NMT2: variants seen among roughly 807,000 people sequenced by gnomAD.
NMT2 encodes N-myristoyltransferase 2, also known as glycylpeptide N-tetradecanoyltransferase 2.
NMT2 carries 35 observed loss-of-function variants against 65.4 expected under a neutral mutation model. The observed-to-expected ratio is 0.54, with a 90% CI of 0.41 to 0.71. NMT2 has a LOEUF of 0.71. Among genes scored for constraint, NMT2 ranks in the 30% least tolerant of loss-of-function variants. The pLI is 0.00. For missense variants in NMT2, 489 were observed against 611.3 expected (o/e 0.80, Z 2.11); for synonymous variants, 226 against 231.8 (o/e 0.98, Z 0.23).
chr10:15,128,553 G>T, intron 7 of NMT2, 95 bp from the exon 8 acceptor site: 1 of 748,362 alleles, frequency 1.3e-6, no homozygotes. Flanking sequence ...AGCATTTACT[G>T]AATACTTACG....
rs117043131 is a variant in NMT2 at position 15,126,460 on chromosome 10, G to A, written c.999+1890C>T. Among the ~76,000 whole-genome samples, 484 of 151,386 alleles carry A rather than the reference G, an allele frequency of 3.2e-3. 5 individuals are homozygous for A. The East Asian group carries it at 0.057, about 18-fold the overall frequency. ...AAAAAAAAAAAGAAATGGCAATGGC[G>A]ACTGGATGTCACTTTCATGAATCAC... On this transcript the variant is annotated intron_variant, in intron 8 of 11. Transcript: ENST00000378165.
rs1845378397 is a variant in NMT2, at chr10:15,108,265, G to A, written c.*930C>T. The A allele has an allele frequency of 3.7e-6, 3 of 816,624 alleles. No homozygotes were observed. The South Asian group carries it at 1.7e-4, about 46-fold the overall frequency. 50.6% of individuals were successfully genotyped at this position (816,624 alleles called of 1,614,324 possible). On this transcript the variant is annotated 3_prime_UTR_variant, in exon 12 of 12. Transcript: ENST00000378165. ...TGCAGTGGCTCGATCTCGGCTCACT[G>A]CAACCTCACCTCTCAGGTTCAAGCG...
At chr10:15,136,237 AG>A (rs1349763425) in intron 2 of NMT2, among the ~76,000 whole-genome samples, 2 of 145,058 alleles carry the variant, frequency 1.4e-5, no homozygotes, top group African/African-American at 2.5e-5. Flanking sequence ...GGAAAGGGAA[AG>A]GGAAAGGAAG....
rs1845314036 is a variant in NMT2, at chr10:15,106,686, G to C, written c.*2509C>G. ...TTCCAACTCCTTCGTAGTGACCAAG[G>C]TCAACAAACTTTCTGTAAAAGACCA... On this transcript the variant is annotated 3_prime_UTR_variant, in exon 12 of 12. Coordinates refer to ENST00000378165, the MANE Select transcript of NMT2 (RefSeq NM_004808.3). 4.1e-6 allele frequency: 4 copies of C among 984,210 alleles called. No individual in the cohort carries two copies. Among genetic ancestry groups the C allele is most frequent in the Non-Finnish European group, 4.8e-6 (4 of 828,840 alleles). 61.0% of individuals were successfully genotyped at this position (984,210 alleles called of 1,614,324 possible). A position where few individuals can be genotyped will look rare whatever the true frequency, so the allele number is the denominator to read the frequency against.
intron 3 of NMT2, among the ~76,000 whole-genome samples, chr10:15,133,874 C>A (rs779890773): frequency 2.6e-5 from 4 of 152,170 alleles, no homozygotes; most frequent in Non-Finnish European, 4.4e-5. Flanking sequence ...AGGTGTGAGC[C>A]ACCACAGCTG....
chr10:15,166,979 A>C (rs376414350), intron 1 of NMT2, among the ~76,000 whole-genome samples: 2 of 152,224 alleles, frequency 1.3e-5, no homozygotes, highest in East Asian at 3.8e-4. Flanking sequence ...CAGAGAAGAT[A>C]AAAGTCCAGG....
chr10:15,109,294 G>C (rs1845424767), intron 11 of NMT2, 79 bp from the exon 12 acceptor site: 22 of 1,545,952 alleles, frequency 1.4e-5, no homozygotes, highest in Non-Finnish European at 1.9e-5. Context: ...TCTAAAAGCT[G>C]TCTTAAGGCT....
At chr10:15,155,560 T>G (rs931915885) in intron 1 of NMT2, among the ~76,000 whole-genome samples, 5 of 143,286 alleles carry the variant, frequency 3.5e-5, no homozygotes, top group African/African-American at 1.3e-4. Flanking sequence ...TTTTTTTTTT[T>G]TTTGTAGAGG....
At chr10:15,109,453 C>T (rs1845431493) in intron 11 of NMT2, among the ~76,000 whole-genome samples, 1 of 152,104 alleles carries the variant, frequency 6.6e-6, no homozygotes. Flanking sequence ...TGGATGTAAT[C>T]CCAGCTACTC....
At chr10:15,138,325 T>C (rs1846595058) in intron 2 of NMT2, 1 of 470,736 alleles carries the variant, frequency 2.1e-6, no homozygotes, top group Admixed American at 2.3e-5. Context: ...TTAAATGCTT[T>C]CTGAAAGTAG....
intron 11 of NMT2, 51 bp downstream of exon 11, chr10:15,109,651 T>C (rs750922655): frequency 1.8e-5 from 25 of 1,406,218 alleles, no homozygotes; most frequent in South Asian, 6.5e-5. Flanking sequence ...AAGTATGAAA[T>C]TGTCTAGGTA....
intron 2 of NMT2, among the ~76,000 whole-genome samples, chr10:15,135,744 TG>T (rs1373104610): frequency 6.6e-6 from 1 of 151,928 alleles, no homozygotes; most frequent in African/African-American, 2.4e-5. Flanking sequence ...CATGCATTAC[TG>T]TCATCCAACA....
chr10:15,124,089 C>A (rs1359598962), intron 8 of NMT2, among the ~76,000 whole-genome samples: 1 of 152,072 alleles, frequency 6.6e-6, no homozygotes, highest in African/African-American at 2.4e-5. Context: ...GCAAGCACAC[C>A]CTCCTTGCAG....
rs1846168019 is a variant in NMT2, at chr10:15,128,381, T to G, written c.968A>C (p.Gln323Pro). The change falls in exon 8 of 12, where the codon CAG (glutamine) becomes CCG (proline). Residue 323 changes from glutamine (Q) to proline (P), a missense_variant. By Grantham distance (76) the Gln-to-Pro change is moderately conservative. Transcript: ENST00000378165. ...AAGTCTGTATAGCTTCATTGTTCTC[T>G]GTAAAGTCATATTTCTACTCAAGTG... ...FSHLSRNMTL[Q>P]RTMKLYRLPD... 1 of 1,608,142 alleles carries G rather than the reference T, an allele frequency of 6.2e-7. No individual in the cohort carries two copies. The highest frequency in any genetic ancestry group is 2.2e-5 in the East Asian group (1 of 44,842).
In NMT2 at chr10:15,144,526, T is replaced by C. The variant is rs148946037; in HGVS notation, c.111-2969A>G. ...GCGGGTAGATCATGAGATCAGGAGA[T>C]CGAGACCATCCTGACTAACATGGTG... On this transcript the variant is annotated intron_variant, in intron 1 of 11. Transcript: ENST00000378165. Among the ~76,000 whole-genome samples the C allele has an allele frequency of 4.1e-4, 62 of 152,082 alleles. No homozygotes were observed. In the East Asian group the frequency reaches 0.01, roughly 26 times the overall value.
intron 9 of NMT2, among the ~76,000 whole-genome samples, chr10:15,113,258 C>A (rs1845627603): frequency 6.6e-6 from 1 of 151,548 alleles, no homozygotes; most frequent in Admixed American, 6.6e-5. Context: ...ATCATGAGGT[C>A]AGGAGTTCGA....
intron 2 of NMT2, among the ~76,000 whole-genome samples, chr10:15,136,096 A>C (rs531113577): frequency 6.6e-6 from 1 of 151,902 alleles, no homozygotes; most frequent in East Asian, 2.0e-4. Flanking sequence ...GCATGATGGC[A>C]GGTAATCCCA....
rs1455356680 is a variant in NMT2, at chr10:15,133,043, T to C, written c.602+10A>G. 1 of 1,611,668 alleles carries C rather than the reference T, an allele frequency of 6.2e-7. No individual in the cohort carries two copies. The highest frequency in any genetic ancestry group is 8.5e-7 in the Non-Finnish European group (1 of 1,177,894). On this transcript the variant is annotated intron_variant, in intron 5 of 11. Coordinates refer to ENST00000378165, the MANE Select transcript of NMT2 (RefSeq NM_004808.3). Reference sequence around the variant, plus strand: ...GCCTATCCACGACATCTGTGATCGATGAGACTTACCACAACAGGAACTCGG... The same window carrying C: ...GCCTATCCACGACATCTGTGATCGACGAGACTTACCACAACAGGAACTCGG...
At chr10:15,120,777 T>A (rs1845902292) in intron 8 of NMT2, among the ~76,000 whole-genome samples, 1 of 152,196 alleles carries the variant, frequency 6.6e-6, no homozygotes, top group African/African-American at 2.4e-5. Flanking sequence ...AGCCAAGTAT[T>A]TTCTAAAGGC....
Sources: gnomAD v4.1 joint callset for allele counts (sites outside exome capture counted in the v4.1 genomes callset) on GRCh38, gnomAD v4.1.1 for gene constraint, MANE v1.5 for transcripts, NCBI Gene and HGNC (gene_info 2026-07-23, HGNC 2026-07-21) for gene names.